NR3C2: variants seen among roughly 807,000 people sequenced by gnomAD.
NR3C2 encodes mineralocorticoid receptor.
NR3C2 carries 15 observed loss-of-function variants against 86.4 expected under a neutral mutation model. The observed-to-expected ratio is 0.17, with a 90% confidence interval of 0.12 to 0.27. The LOEUF is 0.27. Among genes scored for constraint, NR3C2 ranks in the 10% least tolerant of loss-of-function variants. The pLI is 1.00. For missense variants in NR3C2, 960 were observed against 1,195.6 expected, an observed-to-expected ratio of 0.80 and a Z score of 2.91; for synonymous variants, 458 against 450.5, an observed-to-expected ratio of 1.02 and a Z score of -0.21.
At chr4:148,177,270 T>C (rs947463808) in intron 4 of NR3C2, among the ~76,000 whole-genome samples, 1 of 152,234 alleles carries the variant, frequency 6.6e-6, no homozygotes, top group African/African-American at 2.4e-5. Flanking sequence ...TAAAATATGT[T>C]AGAATTGGGT....
At chr4:148,110,681 A>G (rs1366035400) in intron 8 of NR3C2, among the ~76,000 whole-genome samples, 2 of 152,216 alleles carry the variant, frequency 1.3e-5, no homozygotes, top group African/African-American at 4.8e-5. Context: ...GGCCCCCTTT[A>G]AGATCAAACA....
intron 2 of NR3C2, among the ~76,000 whole-genome samples, chr4:148,382,128 G>A (rs1415221082): frequency 6.6e-6 from 1 of 152,180 alleles, no homozygotes; most frequent in Non-Finnish European, 1.5e-5. Flanking sequence ...GGCTGACTGA[G>A]GACAAGGCCA....
chr4:148,085,286 C>G (rs1240394164), intron 8 of NR3C2, among the ~76,000 whole-genome samples: 1 of 150,012 alleles, frequency 6.7e-6, no homozygotes, highest in Admixed American at 6.6e-5. Flanking sequence ...AGAAAGGAAA[C>G]AACAGTCTGT....
At chr4:148,213,182 C>A (rs1370819072) in intron 3 of NR3C2, among the ~76,000 whole-genome samples, 2 of 151,550 alleles carry the variant, frequency 1.3e-5, no homozygotes, top group African/African-American at 4.9e-5. Context: ...GGAGGAGTCA[C>A]AGCTGCCTCA....
intron 3 of NR3C2, among the ~76,000 whole-genome samples, chr4:148,217,185 G>A (rs763641730): frequency 1.3e-5 from 2 of 152,140 alleles, no homozygotes; most frequent in African/African-American, 4.8e-5. Flanking sequence ...AGAGTTCCCC[G>A]CTACAGCTCT....
intron 2 of NR3C2, among the ~76,000 whole-genome samples, chr4:148,313,164 A>G (rs996909059): frequency 2.6e-5 from 4 of 152,216 alleles, no homozygotes; most frequent in African/African-American, 9.6e-5. Flanking sequence ...GAGTATTTAG[A>G]AAGTCCTTGG....
intron 2 of NR3C2, among the ~76,000 whole-genome samples, chr4:148,309,107 G>C (rs527659394): frequency 6.6e-6 from 1 of 151,836 alleles, no homozygotes; most frequent in Admixed American, 6.6e-5. Context: ...TACATTATAC[G>C]TATCAAAACA....
At chr4:148,185,264 C>T (rs1166172087) in intron 4 of NR3C2, among the ~76,000 whole-genome samples, 2 of 152,212 alleles carry the variant, frequency 1.3e-5, no homozygotes, top group Non-Finnish European at 2.9e-5. Context: ...AGCAATGGCT[C>T]CCACCCACAC....
At chr4:148,195,702 A>T (rs979868073) in intron 3 of NR3C2, among the ~76,000 whole-genome samples, 3 of 152,238 alleles carry the variant, frequency 2.0e-5, no homozygotes, top group Non-Finnish European at 2.9e-5. Flanking sequence ...CAGTGTGGAC[A>T]TCTGGGGAAG....
intron 4 of NR3C2, among the ~76,000 whole-genome samples, chr4:148,177,034 A>C (rs1735410381): frequency 6.6e-6 from 1 of 152,224 alleles, no homozygotes; most frequent in Non-Finnish European, 1.5e-5. Context: ...CAAAATAATG[A>C]AGCAGCACAT....
At chr4:148,303,637 T>G (rs1742455258) in intron 2 of NR3C2, among the ~76,000 whole-genome samples, 1 of 151,832 alleles carries the variant, frequency 6.6e-6, no homozygotes, top group Non-Finnish European at 1.5e-5. Flanking sequence ...GGTCCCAAAC[T>G]CCATTCCAAG....
intron 2 of NR3C2, among the ~76,000 whole-genome samples, chr4:148,260,848 T>C (rs1326204843): frequency 6.6e-6 from 1 of 152,188 alleles, no homozygotes; most frequent in East Asian, 1.9e-4. Context: ...TCTGTTTGAA[T>C]ACTTTTTAAG....
chr4:148,140,088 G>C (rs988873600), intron 6 of NR3C2, among the ~76,000 whole-genome samples: 4 of 152,152 alleles, frequency 2.6e-5, no homozygotes, highest in Non-Finnish European at 4.4e-5. Context: ...TGTGTCAAGG[G>C]GGGAGTCTGG....
At chr4:148,085,573 A>AT (rs1730775946) in intron 8 of NR3C2, among the ~76,000 whole-genome samples, 1 of 152,200 alleles carries the variant, frequency 6.6e-6, no homozygotes, top group Non-Finnish European at 1.5e-5. Context: ...TAACATCACA[A>AT]TTAAAAGAAC....
chr4:148,116,643 G>A (rs1488671165), intron 7 of NR3C2, among the ~76,000 whole-genome samples: 3 of 151,766 alleles, frequency 2.0e-5, no homozygotes, highest in African/African-American at 4.8e-5. Context: ...GCTTACTAAC[G>A]CCTGCAGTTT....
intron 2 of NR3C2, among the ~76,000 whole-genome samples, chr4:148,424,404 C>A (rs1579282593): frequency 6.6e-6 from 1 of 152,158 alleles, no homozygotes; most frequent in South Asian, 2.1e-4. Context: ...TGAAATTACC[C>A]CTATTGTATA....
chr4:148,434,028 GA>G (rs1259566182), intron 2 of NR3C2, among the ~76,000 whole-genome samples: 2 of 151,962 alleles, frequency 1.3e-5, no homozygotes, highest in African/African-American at 4.8e-5. Flanking sequence ...TTTTGGTTTG[GA>G]AAAAAATAGA....
At chr4:148,432,822 C>T (rs1021789864) in intron 2 of NR3C2, among the ~76,000 whole-genome samples, 13 of 151,974 alleles carry the variant, frequency 8.6e-5, no homozygotes, top group Non-Finnish European at 1.8e-4. Flanking sequence ...ACTAAATTTC[C>T]TCTGATCCTT....
At chr4:148,334,157 C>T (rs1744367475) in intron 2 of NR3C2, among the ~76,000 whole-genome samples, 1 of 152,230 alleles carries the variant, frequency 6.6e-6, no homozygotes. Context: ...ATACTAGGAA[C>T]ATTTATGGAT....
Sources: gnomAD v4.1 joint callset for allele counts (sites outside exome capture counted in the v4.1 genomes callset) on GRCh38, gnomAD v4.1.1 for gene constraint, MANE v1.5 for transcripts, NCBI Gene and HGNC (gene_info 2026-07-23, HGNC 2026-07-21) for gene names.